The following RSL1D1 variants were observed in gnomAD, a reference collection of about 807,000 sequenced individuals.
The protein encoded by RSL1D1 is ribosomal L1 domain-containing protein 1.
RSL1D1 carries 34 observed loss-of-function variants against 44.6 expected under a neutral mutation model. That is an observed-to-expected ratio of 0.76 (90% CI 0.58 to 1.02). RSL1D1 has a LOEUF of 1.02. Ranked by LOEUF, RSL1D1 falls within the 50% of genes least tolerant of loss-of-function variation. The pLI, the probability that RSL1D1 is intolerant of heterozygous loss-of-function variation, is 0.00. For missense variants in RSL1D1, 767 were observed against 568.1 expected (o/e 1.35, Z -3.56); for synonymous variants, 271 against 207.4 (o/e 1.31, Z -2.63).
Position 11,847,720 on chromosome 16 carries a change from T to C in RSL1D1, c.332A>G (p.Glu111Gly). ...DEPNSTPEKT[E>G]QFYRKLLNKH... ...GTTTAAAAGCTTTCTATAAAACTGTTCTGTCTTTTCAGGAGTTGAATTGGG... is the reference window on the plus strand; with the variant it reads ...GTTTAAAAGCTTTCTATAAAACTGTCCTGTCTTTTCAGGAGTTGAATTGGG... The change falls in exon 3 of 9, where the codon GAA (glutamate) becomes GGA (glycine). Residue 111 changes from glutamate to glycine, a missense_variant. Physicochemically the swap from Glu to Gly is moderately conservative, Grantham distance 98. Transcript: ENST00000571133. 1 of 1,613,430 alleles carries C rather than the reference T, an allele frequency of 6.2e-7. No individual in the cohort carries two copies. The highest frequency in any genetic ancestry group is 1.3e-5 in the African/African-American group (1 of 75,038).
intron 5 of RSL1D1, among the ~76,000 whole-genome samples, chr16:11,844,631 C>G (rs1329112720): frequency 6.6e-6 from 1 of 152,200 alleles, no homozygotes; most frequent in South Asian, 2.1e-4. Context: ...CCTGGAGACA[C>G]TCCCCTGGGG....
At chr16:11,844,772 G>C (rs1321198287) in intron 5 of RSL1D1, among the ~76,000 whole-genome samples, 1 of 152,216 alleles carries the variant, frequency 6.6e-6, no homozygotes, top group Non-Finnish European at 1.5e-5. Flanking sequence ...CTTACTGGCA[G>C]CTAGCCATCT....
chr16:11,851,196 C>T (rs982670459), intron 1 of RSL1D1: 6 of 619,990 alleles, frequency 9.7e-6, no homozygotes, highest in African/African-American at 3.6e-5. Context: ...ACACTTGCAA[C>T]CCAATTCACT....
intron 5 of RSL1D1, among the ~76,000 whole-genome samples, chr16:11,843,378 T>C (rs1022483960): frequency 2.0e-5 from 3 of 151,052 alleles, no homozygotes; most frequent in Non-Finnish European, 2.9e-5. Context: ...GCCGAGGCAG[T>C]GATTAAAGAG....
intron 5 of RSL1D1, among the ~76,000 whole-genome samples, chr16:11,844,720 T>G (rs2053786233): frequency 6.6e-6 from 1 of 152,192 alleles, no homozygotes; most frequent in Admixed American, 6.5e-5. Flanking sequence ...GCACGGCTCC[T>G]GGGGAATCTC....
Position 11,837,687 on chromosome 16 carries a change from C to A in RSL1D1, c.*100G>T. ...TTTTAAAAAATCTTTTAAGTCCAGG[C>A]CTGACGTTTAGAGAAGGTTACAAAG... On this transcript the variant is annotated 3_prime_UTR_variant, in exon 9 of 9. Transcript: ENST00000571133. The A allele has an allele frequency of 3.6e-6, 4 of 1,108,900 alleles. No homozygotes were observed. Among genetic ancestry groups the A allele is most frequent in the Non-Finnish European group, 3.9e-6 (3 of 763,146 alleles). 68.7% of individuals were successfully genotyped at this position (1,108,900 alleles called of 1,614,324 possible). A position where few individuals can be genotyped will look rare whatever the true frequency, so the allele number is the denominator to read the frequency against.
chr16:11,838,351 C>A (rs2053737046), intron 8 of RSL1D1, among the ~76,000 whole-genome samples: 1 of 151,734 alleles, frequency 6.6e-6, no homozygotes, highest in Non-Finnish European at 1.5e-5. Context: ...TTAGTAGAAA[C>A]AGGGTTTCAC....
intron 1 of RSL1D1, chr16:11,851,130 C>T (rs751843922): frequency 2.2e-4 from 112 of 504,384 alleles, no homozygotes; most frequent in Non-Finnish European, 3.6e-4. Context: ...CGGTCAAGCG[C>T]TAATGATAGG....
In RSL1D1 at chr16:11,834,835, T is replaced by C. The variant is rs1358829192; in HGVS notation, c.*2952A>G. On this transcript the variant is annotated 3_prime_UTR_variant, in exon 9 of 9. Transcript: ENST00000571133. ...GTGTTACTAAAATGCAAAAACAGGA[T>C]TGGCATGCTGCCTCATGCCTGTAAT... 2 of 152,238 alleles carry C rather than the reference T, an allele frequency of 1.3e-5. No homozygotes were observed. The highest frequency in any genetic ancestry group is 2.9e-5 in the Non-Finnish European group (2 of 68,048). The allele number at this position is 152,238 out of a possible 1,614,324, so 9.4% of individuals were successfully genotyped here.
At position 11,837,776 on chromosome 16, in the gene RSL1D1, A is replaced by T; in HGVS notation, c.*11T>A. The stretch of plus-strand genomic sequence containing the variant: ...CAGCATTGAGGTTTCCTTCCAGTTG[A>T]ATCACTGACTTTAGGTCGACTGGGG... On this transcript the variant is annotated 3_prime_UTR_variant, in exon 9 of 9. Transcript: ENST00000571133. 6.3e-7 allele frequency: 1 copy of T among 1,589,530 alleles called. No homozygotes were observed. Among genetic ancestry groups the T allele is most frequent in the South Asian group, 1.1e-5 (1 of 87,856 alleles).
Position 11,838,119 on chromosome 16 carries a change from A to G in RSL1D1, c.1147-6T>C, listed in dbSNP as rs2053735391. On this transcript the variant is annotated splice_polypyrimidine_tract_variant and splice_region_variant and intron_variant, in intron 8 of 8. Coordinates refer to ENST00000571133, the MANE Select transcript of RSL1D1 (RefSeq NM_015659.3). The stretch of plus-strand genomic sequence containing the variant: ...CCTGTGGCATGTTTTTGAATCTAAG[A>G]AAAAAAAAAGTAAGTTTAATATAGA... The G allele has an allele frequency of 1.4e-6, 2 of 1,464,624 alleles. No individual in the cohort carries two copies. Among genetic ancestry groups the G allele is most frequent in the Non-Finnish European group, 1.8e-6 (2 of 1,091,692 alleles). 90.7% of individuals were successfully genotyped at this position (1,464,624 alleles called of 1,614,324 possible).
At chr16:11,851,243 AC>A in intron 1 of RSL1D1, 164 bp downstream of exon 1, 1 of 694,548 alleles carries the variant, frequency 1.4e-6, no homozygotes, top group South Asian at 1.6e-5. Flanking sequence ...GCAGGCGCCC[AC>A]CCACGTGTGT....
At chr16:11,843,740 G>A (rs193083736) in intron 5 of RSL1D1, among the ~76,000 whole-genome samples, 2 of 151,874 alleles carry the variant, frequency 1.3e-5, no homozygotes, top group East Asian at 3.9e-4. Flanking sequence ...GCATTGTGGT[G>A]GGCGCCTATA....
At position 11,847,783 on chromosome 16, in the gene RSL1D1, G is replaced by T; in HGVS notation, c.269C>A (p.Ser90Ter). The T allele has an allele frequency of 6.2e-7, 1 of 1,613,302 alleles. No homozygotes were observed. Among genetic ancestry groups the T allele is most frequent in the South Asian group, 1.1e-5 (1 of 90,910 alleles). Residue 90 changes from serine to a stop codon, truncating the protein, a stop_gained, in exon 3 of 9, where the codon TCA (serine) becomes TAA (stop). Coordinates refer to ENST00000571133, the MANE Select transcript of RSL1D1 (RefSeq NM_015659.3). LOFTEE classifies it high-confidence loss of function. ...AAATAAACAGATATCTTCTGAATCTGATCGAATACTATGAGGCAAGGTCCT... is the reference window on the plus strand; with the variant it reads ...AAATAAACAGATATCTTCTGAATCTTATCGAATACTATGAGGCAAGGTCCT... ...VRLTLPHSIR[S>*]DSEDICLFTK...
Position 11,847,701 on chromosome 16 carries a change from A to T in RSL1D1, c.351T>A (p.Leu117=). ...PEKTEQFYRK[L]LNKHGIKTVS... is the part of the protein sequence containing the mutation. ...CGGTTTTAATTCCATGCTTGTTTAA[A>T]AGCTTTCTATAAAACTGTTCTGTCT... Residue 117 remains leucine (L), a synonymous_variant, in exon 3 of 9, where the codon CTT becomes CTA. Coordinates refer to ENST00000571133, the MANE Select transcript of RSL1D1 (RefSeq NM_015659.3). 1 of 1,612,928 alleles carries T rather than the reference A, an allele frequency of 6.2e-7. No individual in the cohort carries two copies. The highest frequency in any genetic ancestry group is 8.5e-7 in the Non-Finnish European group (1 of 1,179,544).
rs985200673 is a variant in RSL1D1 at position 11,838,164 on chromosome 16, A to C, written c.1147-51T>G. 4.4e-6 allele frequency: 6 copies of C among 1,356,066 alleles called. No homozygotes were observed. In the African/African-American group the frequency reaches 7.4e-5, roughly 17 times the overall value. 84.0% of individuals were successfully genotyped at this position (1,356,066 alleles called of 1,614,324 possible). On this transcript the variant is annotated intron_variant, in intron 8 of 8. Coordinates refer to ENST00000571133, the MANE Select transcript of RSL1D1 (RefSeq NM_015659.3). ...TATAGAAAAAGCCACAAAACCTGAC[A>C]CTCTAACTCCAGGAGTTACTGTTTT...
At chr16:11,846,438 T>A (rs1277072769) in intron 5 of RSL1D1, 63 bp downstream of exon 5, 4 of 864,556 alleles carry the variant, frequency 4.6e-6, no homozygotes, top group South Asian at 1.6e-5. Context: ...AACGAATAAG[T>A]ATATATAAAA....
At chr16:11,841,876 A>G (rs371388265) in intron 6 of RSL1D1, 31 bp downstream of exon 6, 4 of 1,611,548 alleles carry the variant, frequency 2.5e-6, no homozygotes, top group Non-Finnish European at 3.4e-6. Flanking sequence ...TTTTAAATGA[A>G]CAATCAATTG....
chr16:11,847,353 C>T (rs958013935), intron 3 of RSL1D1, among the ~76,000 whole-genome samples: 11 of 151,820 alleles, frequency 7.2e-5, no homozygotes, highest in Admixed American at 3.3e-4. Flanking sequence ...CCAGCCTGGG[C>T]GACAGAGCGA....
Sources: allele counts gnomAD v4.1 joint callset (sites outside exome capture counted in the v4.1 genomes callset), GRCh38; gene constraint gnomAD v4.1.1; transcripts MANE v1.5; gene names NCBI Gene and HGNC (gene_info 2026-07-23, HGNC 2026-07-21).